FHIT: variants seen among roughly 807,000 people sequenced by gnomAD.
FHIT encodes the protein fragile histidine triad diadenosine triphosphatase.
Under a neutral mutation model 17.9 loss-of-function variants are expected in FHIT, and 19 were observed. The observed-to-expected ratio is 1.06, with a 90% CI of 0.74 to 1.56. The LOEUF (loss-of-function observed/expected upper bound fraction) is 1.56, where lower values mean the gene tolerates loss of function less well. FHIT is among the 40% of genes most tolerant of loss of function. The pLI is 0.00. For synonymous variants in FHIT, 81 were observed against 69.7 expected, an observed-to-expected ratio of 1.16 and a Z score of -0.81; for missense variants, 248 against 189.2, an observed-to-expected ratio of 1.31 and a Z score of -1.82.
rs1164299829 is a variant in FHIT, at chr3:60,835,318, A to G, written c.-110-13307T>C. On this transcript the variant is annotated intron_variant, in intron 3 of 9. Transcript: ENST00000492590. ...AAACCTGTATATCAATTTGGGAAGT[A>G]TCGGTATCTTTACTACGCTGTGACT... 6.7e-4 allele frequency among the ~76,000 whole-genome samples: 102 copies of G among 152,208 alleles called. 7 individuals are homozygous for G. The highest frequency in any genetic ancestry group is 1.5e-5 in the Non-Finnish European group (1 of 68,028).
chr3:60,735,915 A>G (rs564673461), intron 4 of FHIT, among the ~76,000 whole-genome samples: 83 of 152,224 alleles, frequency 5.5e-4, no homozygotes, highest in Non-Finnish European at 9.0e-4. Flanking sequence ...CTGATGGGCT[A>G]TTACCTCATG....
intron 4 of FHIT, among the ~76,000 whole-genome samples, chr3:60,630,993 T>C (rs1019823840): frequency 1.2e-4 from 18 of 151,242 alleles, no homozygotes; most frequent in Non-Finnish European, 2.1e-4. Flanking sequence ...ACTCTCAATC[T>C]TTGCCCTCTT....
At chr3:60,206,217 T>A (rs2107505734) in intron 5 of FHIT, among the ~76,000 whole-genome samples, 1 of 151,334 alleles carries the variant, frequency 6.6e-6, no homozygotes, top group South Asian at 2.1e-4. Context: ...CTTCCAGTAA[T>A]TTCTCCCTTG....
At chr3:61,056,621 C>T (rs555476109) in intron 2 of FHIT, among the ~76,000 whole-genome samples, 6 of 152,276 alleles carry the variant, frequency 3.9e-5, no homozygotes, top group Admixed American at 3.9e-4. Context: ...AGCCATGTAA[C>T]ACGCCTTGGG....
chr3:59,940,508 C>T (rs946608984), intron 7 of FHIT, among the ~76,000 whole-genome samples: 3 of 152,080 alleles, frequency 2.0e-5, no homozygotes, highest in African/African-American at 2.4e-5. Context: ...TTCCAAAGAA[C>T]ACAGTGTGAA....
At chr3:60,336,459 T>C (rs1407720728) in intron 5 of FHIT, among the ~76,000 whole-genome samples, 1 of 152,212 alleles carries the variant, frequency 6.6e-6, no homozygotes, top group African/African-American at 2.4e-5. Context: ...CACTTGAACA[T>C]AGCCCAAATT....
intron 4 of FHIT, among the ~76,000 whole-genome samples, chr3:60,689,273 C>T (rs549924116): frequency 6.6e-6 from 1 of 152,138 alleles, no homozygotes; most frequent in South Asian, 2.1e-4. Context: ...GTGAATTGCC[C>T]AGTCTCAGGT....
At chr3:60,023,028 G>A (rs1016062970) in intron 5 of FHIT, among the ~76,000 whole-genome samples, 1 of 152,170 alleles carries the variant, frequency 6.6e-6, no homozygotes, top group Non-Finnish European at 1.5e-5. Context: ...TGTCCACAAT[G>A]TGTAAACATG....
At chr3:60,369,507 T>C (rs1332415663) in intron 5 of FHIT, among the ~76,000 whole-genome samples, 3 of 152,182 alleles carry the variant, frequency 2.0e-5, no homozygotes, top group Non-Finnish European at 4.4e-5. Context: ...TATCCCAAGG[T>C]GTCTGGATTA....
chr3:59,962,414 C>T (rs1347558231), intron 7 of FHIT, among the ~76,000 whole-genome samples: 1 of 152,198 alleles, frequency 6.6e-6, no homozygotes, highest in Admixed American at 6.5e-5. Flanking sequence ...CCTATACTTT[C>T]CAGAATCACC....
At chr3:60,067,703 G>C (rs1702578379) in intron 5 of FHIT, among the ~76,000 whole-genome samples, 1 of 152,084 alleles carries the variant, frequency 6.6e-6, no homozygotes, top group Non-Finnish European at 1.5e-5. Context: ...CGACATGAAG[G>C]CTCAAGTGTT....
chr3:60,507,517 A>G (rs1355558694), intron 5 of FHIT, among the ~76,000 whole-genome samples: 1 of 152,182 alleles, frequency 6.6e-6, no homozygotes, highest in East Asian at 1.9e-4. Flanking sequence ...AACAGCAGCA[A>G]CAACAAAACT....
chr3:60,342,085 C>G (rs1056629944), intron 5 of FHIT, among the ~76,000 whole-genome samples: 1 of 152,222 alleles, frequency 6.6e-6, no homozygotes, highest in African/African-American at 2.4e-5. Context: ...TACACAGGAC[C>G]TGAAGATGCC....
chr3:60,671,788 A>C (rs2040511386), intron 4 of FHIT, among the ~76,000 whole-genome samples: 1 of 151,200 alleles, frequency 6.6e-6, no homozygotes, highest in Admixed American at 6.6e-5. Flanking sequence ...AAAAAAAAAA[A>C]AAAACACAAA....
intron 5 of FHIT, among the ~76,000 whole-genome samples, chr3:60,381,732 A>G (rs2107114910): frequency 6.6e-6 from 1 of 151,912 alleles, no homozygotes; most frequent in East Asian, 1.9e-4. Context: ...TACAATCATT[A>G]CTCTTTCTTT....
At chr3:60,719,598 C>T (rs997233453) in intron 4 of FHIT, among the ~76,000 whole-genome samples, 7 of 152,128 alleles carry the variant, frequency 4.6e-5, no homozygotes, top group South Asian at 2.1e-4. Flanking sequence ...GAACTGGCAG[C>T]GTCAGCAGCA....
intron 5 of FHIT, among the ~76,000 whole-genome samples, chr3:60,420,596 T>C (rs2734372): frequency 0.59 from 90,073 of 151,794 alleles, 27,924 homozygotes; most frequent in Non-Finnish European, 0.7. Flanking sequence ...GGGAAAAAAA[T>C]CTATCTTATT....
chr3:60,495,900 C>G (rs1268997814), intron 5 of FHIT, among the ~76,000 whole-genome samples: 2 of 152,092 alleles, frequency 1.3e-5, no homozygotes, highest in African/African-American at 2.4e-5. Flanking sequence ...GAAACAGATT[C>G]ACACATTTAT....
At chr3:60,459,029 A>G (rs1000047204) in intron 5 of FHIT, among the ~76,000 whole-genome samples, 16 of 151,884 alleles carry the variant, frequency 1.1e-4, no homozygotes, top group African/African-American at 3.9e-4. Flanking sequence ...CGATCCTCCT[A>G]CCTTGTTCTC....
Sources: allele counts gnomAD v4.1 joint callset (sites outside exome capture counted in the v4.1 genomes callset), GRCh38; gene constraint gnomAD v4.1.1; transcripts MANE v1.5; gene names NCBI Gene and HGNC (gene_info 2026-07-23, HGNC 2026-07-21).